The following LRRC49 variants were observed in gnomAD, a reference collection of about 807,000 sequenced individuals.
LRRC49 encodes the protein leucine-rich repeat-containing protein 49.
A neutral mutation model predicts 83.3 loss-of-function variants in LRRC49; 50 were observed. That is an observed-to-expected ratio of 0.60 (90% confidence interval 0.48 to 0.76). The LOEUF (loss-of-function observed/expected upper bound fraction) is 0.76, where lower values mean the gene tolerates loss of function less well. Ranked by LOEUF, LRRC49 falls within the 30% of genes least tolerant of loss-of-function variation. The pLI is 0.00. For synonymous variants in LRRC49, 286 were observed against 283.3 expected, an observed-to-expected ratio of 1.01 and a Z score of -0.10; for missense variants, 704 against 809.1, an observed-to-expected ratio of 0.87 and a Z score of 1.58.
intron 6 of LRRC49, among the ~76,000 whole-genome samples, chr15:70,913,028 A>G (rs2034615284): frequency 6.6e-6 from 1 of 152,066 alleles, no homozygotes; most frequent in South Asian, 2.1e-4. Context: ...GTCAGATCAT[A>G]TTGGCTGTTT....
chr15:70,903,653 T>C (rs569931082), intron 4 of LRRC49, among the ~76,000 whole-genome samples: 19 of 152,322 alleles, frequency 1.2e-4, no homozygotes, highest in African/African-American at 4.6e-4. Context: ...AGAGAATATT[T>C]CTAATAAACT....
At chr15:70,892,742 T>C, upstream of LRRC49, 1 of 1,528,296 alleles carries the variant, frequency 6.5e-7, no homozygotes, top group Admixed American at 2.1e-5. Flanking sequence ...TGTGGCTCTA[T>C]CGATTCGGGA....
At chr15:70,895,184 G>T (rs929464126) in intron 2 of LRRC49, among the ~76,000 whole-genome samples, 5 of 152,072 alleles carry the variant, frequency 3.3e-5, no homozygotes, top group Admixed American at 6.6e-5. Context: ...CATATTTGGG[G>T]TTTTTTGTGG....
chr15:70,867,093 C>G lies in LRRC49; in HGVS notation c.-298-5815C>G, dbSNP rs552269080. Among the ~76,000 whole-genome samples the G allele has an allele frequency of 2.6e-5, 4 of 151,104 alleles. No individual in the cohort carries two copies. In the East Asian group the frequency reaches 5.9e-4, roughly 22 times the overall value. On this transcript the variant is annotated intron_variant, in intron 1 of 16. Transcript: ENST00000544974. The stretch of plus-strand genomic sequence containing the variant: ...TTGCCCAAGGCTATCAAGGTCCAAG[C>G]AGAAGACAGCACATCTCAATGCCTG...
intron 6 of LRRC49, among the ~76,000 whole-genome samples, chr15:70,914,403 G>A (rs922966840): frequency 1.3e-5 from 2 of 152,146 alleles, no homozygotes; most frequent in Non-Finnish European, 2.9e-5. Context: ...TTGGTTTATG[G>A]ATGTGAAATC....
chr15:70,919,985 G>A (rs767632525), intron 7 of LRRC49, among the ~76,000 whole-genome samples: 8 of 152,146 alleles, frequency 5.3e-5, no homozygotes, highest in Non-Finnish European at 8.8e-5. Flanking sequence ...TTTTGTATTC[G>A]TACATATGTG....
intron 14 of LRRC49, among the ~76,000 whole-genome samples, chr15:71,031,245 C>T (rs2039342999): frequency 6.6e-6 from 1 of 152,164 alleles, no homozygotes; most frequent in Non-Finnish European, 1.5e-5. Flanking sequence ...TTCTAACAGT[C>T]AGGCCCCTTT....
At chr15:70,911,350 G>A (rs1039248113) in intron 5 of LRRC49, among the ~76,000 whole-genome samples, 182 bp from the exon 6 acceptor site, 2 of 151,908 alleles carry the variant, frequency 1.3e-5, no homozygotes, top group African/African-American at 4.8e-5. Context: ...CTCTTGAGTG[G>A]TATTGCATTT....
At chr15:70,902,209 A>G (rs2034114955) in intron 4 of LRRC49, among the ~76,000 whole-genome samples, 1 of 152,090 alleles carries the variant, frequency 6.6e-6, no homozygotes, top group Admixed American at 6.6e-5. Context: ...TTGATCTTTG[A>G]AAGACTGGCC....
intron 7 of LRRC49, among the ~76,000 whole-genome samples, chr15:70,926,572 G>T (rs534706417): frequency 1.2e-4 from 18 of 151,962 alleles, no homozygotes; most frequent in Admixed American, 7.9e-4. Context: ...CAACGTGTAG[G>T]TTAGTTACAT....
chr15:70,882,343 T>C (rs2141084144), intron 2 of LRRC49: 4 of 1,008,124 alleles, frequency 4.0e-6, no homozygotes, highest in Admixed American at 2.3e-5. Context: ...ATTATGCTGA[T>C]ACTCAACTGT....
chr15:70,938,567 G>A (rs1231759512), intron 8 of LRRC49, among the ~76,000 whole-genome samples: 1 of 152,022 alleles, frequency 6.6e-6, no homozygotes, highest in Non-Finnish European at 1.5e-5. Context: ...GTCTGAGGAG[G>A]GAAAAATCAG....
At chr15:71,004,982 C>T (rs1262433218) in intron 11 of LRRC49, among the ~76,000 whole-genome samples, 2 of 151,994 alleles carry the variant, frequency 1.3e-5, no homozygotes, top group African/African-American at 4.8e-5. Context: ...AAATAAACCC[C>T]CATGACACAG....
intron 8 of LRRC49, among the ~76,000 whole-genome samples, chr15:70,939,253 A>G (rs2035714892): frequency 6.6e-6 from 1 of 152,186 alleles, no homozygotes; most frequent in African/African-American, 2.4e-5. Flanking sequence ...TGTACTGCTT[A>G]CTACAGCCTC....
At chr15:70,934,438 AG>A (rs2035528201) in intron 7 of LRRC49, among the ~76,000 whole-genome samples, 1 of 152,174 alleles carries the variant, frequency 6.6e-6, no homozygotes, top group Non-Finnish European at 1.5e-5. Context: ...AGTGATTATG[AG>A]GATATATAGA....
At chr15:70,880,869 G>C (rs1162717841) in intron 2 of LRRC49, among the ~76,000 whole-genome samples, 1 of 152,116 alleles carries the variant, frequency 6.6e-6, no homozygotes, top group Non-Finnish European at 1.5e-5. Flanking sequence ...AAGCTCAAAG[G>C]GTACTTATTG....
intron 1 of LRRC49, among the ~76,000 whole-genome samples, chr15:70,862,112 G>C (rs970808798): frequency 5.9e-5 from 9 of 152,166 alleles, no homozygotes; most frequent in South Asian, 2.1e-4. Context: ...CATAGCAAGA[G>C]AGCCAGCTGC....
intron 9 of LRRC49, among the ~76,000 whole-genome samples, chr15:70,978,897 T>C (rs953291414): frequency 1.3e-5 from 2 of 152,192 alleles, no homozygotes; most frequent in African/African-American, 4.8e-5. Context: ...GTGTATAATC[T>C]GCTATTAAAT....
chr15:71,036,252 A>T (rs1179221727), intron 14 of LRRC49, among the ~76,000 whole-genome samples: 4 of 152,110 alleles, frequency 2.6e-5, no homozygotes, highest in African/African-American at 9.7e-5. Context: ...CCTTTGTCAG[A>T]TGGATAGATA....
Sources: allele counts gnomAD v4.1 joint callset (sites outside exome capture counted in the v4.1 genomes callset), GRCh38; gene constraint gnomAD v4.1.1; transcripts MANE v1.5; gene names NCBI Gene and HGNC (gene_info 2026-07-23, HGNC 2026-07-21).